STT3A: variants seen among roughly 807,000 people sequenced by gnomAD.
STT3A encodes dolichyl-diphosphooligosaccharide--protein glycosyltransferase subunit STT3A.
Under a neutral mutation model 89.2 loss-of-function variants are expected in STT3A, and 34 were observed. That is an observed-to-expected ratio of 0.38 (90% CI 0.29 to 0.51). The LOEUF (loss-of-function observed/expected upper bound fraction) is 0.51, where lower values mean the gene tolerates loss of function less well. Among genes scored for constraint, STT3A ranks in the 20% least tolerant of loss-of-function variants. The probability of loss-of-function intolerance (pLI) is 0.89; values close to 1 mark genes in which losing one functional copy is unlikely to be tolerated. For missense variants in STT3A, 555 were observed against 889.5 expected, an observed-to-expected ratio of 0.62 and a Z score of 4.78; for synonymous variants, 282 against 310.3, an observed-to-expected ratio of 0.91 and a Z score of 0.96.
At chr11:125,620,337 T>C (rs1413455271) in intron 17 of STT3A, among the ~76,000 whole-genome samples, 1 of 152,206 alleles carries the variant, frequency 6.6e-6, no homozygotes, top group Non-Finnish European at 1.5e-5. Flanking sequence ...TTGGCGGTTG[T>C]TGCAGTGATA....
At chr11:125,615,163 AG>A (rs776484351) in intron 15 of STT3A, among the ~76,000 whole-genome samples, 6 of 152,162 alleles carry the variant, frequency 3.9e-5, no homozygotes, top group Non-Finnish European at 5.9e-5. Context: ...GCTACTCAGG[AG>A]GCTGAGGCAG....
At position 125,606,282 on chromosome 11, in the gene STT3A, T is replaced by A; in HGVS notation, c.616-19T>A. 1 of 1,609,474 alleles carries A rather than the reference T, an allele frequency of 6.2e-7. No homozygotes were observed. ...AGGAGGCATACTCAGAGGAACTGTT[T>A]TTTTCTATTCCATCATAGGTCTCGT... is the stretch of plus-strand genomic sequence containing the variant. On this transcript the variant is annotated intron_variant, in intron 7 of 17. Coordinates refer to ENST00000392708, the MANE Select transcript of STT3A (RefSeq NM_152713.5).
chr11:125,601,344 G>A (rs889362243), intron 3 of STT3A, among the ~76,000 whole-genome samples: 1 of 152,198 alleles, frequency 6.6e-6, no homozygotes, highest in Non-Finnish European at 1.5e-5. Flanking sequence ...AATCTGGCCA[G>A]GCATGGTGGC....
chr11:125,605,721 G>T lies in STT3A; in HGVS notation c.601G>T (p.Ala201Ser). Residue 201 changes from alanine (A) to serine (S), a missense_variant, in exon 7 of 18, where the codon GCT becomes TCT. By Grantham distance (99) the Ala-to-Ser change is moderately conservative. This residue lies in a region of STT3A where 149 missense variants were observed against 206.2 expected (regional missense o/e 0.72). Transcript: ENST00000392708. Reference protein sequence around the residue: ...SICWAAKCALAYFYMVSSWGG... With the variant: ...SICWAAKCALSYFYMVSSWGG... The stretch of plus-strand genomic sequence containing the variant: ...CTGTTGGGCAGCTAAGTGTGCCCTT[G>T]CTTATTTCTACATGGTAACTTTTTC... The T allele has an allele frequency of 6.2e-7, 1 of 1,613,170 alleles. No individual in the cohort carries two copies. Among genetic ancestry groups the T allele is most frequent in the Non-Finnish European group, 8.5e-7 (1 of 1,179,454 alleles).
rs1272390894 is a variant in STT3A at position 125,622,545 on chromosome 11, A to G, written c.*1735A>G. On this transcript the variant is annotated 3_prime_UTR_variant, in exon 18 of 18. Coordinates refer to ENST00000392708, the MANE Select transcript of STT3A (RefSeq NM_152713.5). ...GGCTACATGAAGCTATCTTTTTAAA[A>G]AGTGTACTCTTCATTTTCACTGTTA... The G allele has an allele frequency of 3.3e-5, 5 of 152,198 alleles. No individual in the cohort carries two copies. The highest frequency in any genetic ancestry group is 5.9e-5 in the Non-Finnish European group (4 of 68,040). 9.4% of individuals were successfully genotyped at this position (152,198 alleles called of 1,614,324 possible). A position where few individuals can be genotyped will look rare whatever the true frequency, so the allele number is the denominator to read the frequency against.
At chr11:125,610,541 G>A (rs11220151) in intron 10 of STT3A, among the ~76,000 whole-genome samples, 42,468 of 149,258 alleles carry the variant, frequency 0.28, 6,089 homozygotes, top group East Asian at 0.4. Context: ...CAACACAGTG[G>A]GACCCACGTC....
chr11:125,607,852 T>G (rs1211430667), intron 8 of STT3A, among the ~76,000 whole-genome samples: 1 of 152,190 alleles, frequency 6.6e-6, no homozygotes, highest in East Asian at 1.9e-4. Context: ...AAAATTACAG[T>G]CTAGGCTAAG....
At chr11:125,610,441 G>A (rs997387224) in intron 10 of STT3A, among the ~76,000 whole-genome samples, 3 of 152,114 alleles carry the variant, frequency 2.0e-5, no homozygotes, top group Admixed American at 1.3e-4. Flanking sequence ...AAAAGATGCT[G>A]GGCACAATGG....
At position 125,614,196 on chromosome 11, in the gene STT3A, T is replaced by C. The variant is rs1292167573; in HGVS notation, c.1664T>C (p.Val555Ala). The stretch of plus-strand genomic sequence containing the variant: ...TGGAATAATACCCATATTTCTCGAG[T>C]AGGGCAGGTAAGATAAAGGGATGAT... ...NTWNNTHISR[V>A]GQAMASTEEK... Residue 555 changes from valine (V) to alanine (A), a missense_variant, in exon 14 of 18, where the codon GTA (valine) becomes GCA (alanine). Physicochemically the swap from Val to Ala is moderately conservative, Grantham distance 64. Transcript: ENST00000392708. The surrounding 1 kb of genome is among the most constrained non-coding windows in gnomAD (Gnocchi z 4.9). The C allele has an allele frequency of 6.2e-7, 1 of 1,613,638 alleles. No homozygotes were observed. Among genetic ancestry groups the C allele is most frequent in the Admixed American group, 1.7e-5 (1 of 60,010 alleles).
intron 15 of STT3A, among the ~76,000 whole-genome samples, chr11:125,615,818 C>T (rs565540358): frequency 6.6e-6 from 1 of 152,268 alleles, no homozygotes; most frequent in South Asian, 2.1e-4. Context: ...TGGGAAGACT[C>T]TTGAGGTCAG....
intron 4 of STT3A, 64 bp from the exon 5 acceptor site, chr11:125,602,739 T>C: frequency 6.3e-7 from 1 of 1,598,854 alleles, no homozygotes; most frequent in Non-Finnish European, 8.6e-7. Flanking sequence ...TCTGGGATTT[T>C]CCCTTTCTTT....
intron 1 of STT3A, chr11:125,593,516 C>T (rs1939383333): frequency 1.3e-5 from 2 of 152,146 alleles, no homozygotes; most frequent in South Asian, 2.1e-4. Flanking sequence ...TGAAATCTCC[C>T]TTACGGCCCT....
intron 3 of STT3A, among the ~76,000 whole-genome samples, chr11:125,598,182 T>A (rs11220147): frequency 0.11 from 16,258 of 151,716 alleles, 1,254 homozygotes; most frequent in African/African-American, 0.22. Flanking sequence ...ACTGCACTCC[T>A]GCCTGGGCTA....
chr11:125,616,573 G>T (rs936067115), intron 15 of STT3A, among the ~76,000 whole-genome samples: 2 of 152,164 alleles, frequency 1.3e-5, no homozygotes, highest in Non-Finnish European at 2.9e-5. Context: ...TAACATTTGA[G>T]AGGCATAATA....
chr11:125,613,953 A>G lies in STT3A; in HGVS notation c.1555-134A>G, dbSNP rs1940096060. ...GCCAGGATTTATTTTCTGGTTTGACATGCATTACTTTGTGAAGAAATTGAT... is the reference window on the plus strand; with the variant it reads ...GCCAGGATTTATTTTCTGGTTTGACGTGCATTACTTTGTGAAGAAATTGAT... On this transcript the variant is annotated intron_variant, in intron 13 of 17. Transcript: ENST00000392708. The surrounding 1 kb of genome is among the most constrained non-coding windows in gnomAD (Gnocchi z 4.2). The G allele has an allele frequency of 1.4e-6, 1 of 719,074 alleles. No individual in the cohort carries two copies. The highest frequency in any genetic ancestry group is 2.4e-6 in the Non-Finnish European group (1 of 410,716). 44.5% of individuals were successfully genotyped at this position (719,074 alleles called of 1,614,324 possible).
At chr11:125,594,188 A>AT (rs1296510055) in intron 1 of STT3A, among the ~76,000 whole-genome samples, 5 of 152,238 alleles carry the variant, frequency 3.3e-5, no homozygotes. Flanking sequence ...AATATGTACA[A>AT]TTATGTGTCA....
At position 125,621,654 on chromosome 11, in the gene STT3A, GCTT is replaced by G. The variant is rs1940352196; in HGVS notation, c.*848_*850del. The G allele has an allele frequency of 6.6e-6, 1 of 152,172 alleles. No individual in the cohort carries two copies. Among genetic ancestry groups the G allele is most frequent in the Non-Finnish European group, 1.5e-5 (1 of 68,048 alleles). The allele number at this position is 152,172 out of a possible 1,614,324, so 9.4% of individuals were successfully genotyped here. ...AACTCTTGTGGTTGTTCAAAGGTGA[GCTT>G]CTTTTTCCCTTAGTCTTAGCCTATG... On this transcript the variant is annotated 3_prime_UTR_variant, in exon 18 of 18. Transcript: ENST00000392708.
chr11:125,611,453 C>T lies in STT3A; in HGVS notation c.1143C>T (p.Asn381=). 3 of 1,614,010 alleles carry T rather than the reference C, an allele frequency of 1.9e-6. No homozygotes were observed. The highest frequency in any genetic ancestry group is 2.5e-6 in the Non-Finnish European group (3 of 1,179,934). ...TTGGCCTCTATTACTGCTTTAGCAA[C>T]CTGTCTGATGCCCGGATTTTTATCA... ...FPVGLYYCFS[N]LSDARIFIIM... The change falls in exon 11 of 18, where the codon AAC becomes AAT. Residue 381 remains asparagine, a synonymous_variant. Coordinates refer to ENST00000392708, the MANE Select transcript of STT3A (RefSeq NM_152713.5).
intron 8 of STT3A, among the ~76,000 whole-genome samples, chr11:125,607,391 T>C (rs1015417336): frequency 6.6e-6 from 1 of 152,200 alleles, no homozygotes; most frequent in African/African-American, 2.4e-5. Context: ...GCTAATCACT[T>C]GAAAATGTAA....
Sources: allele counts gnomAD v4.1 joint callset (sites outside exome capture counted in the v4.1 genomes callset), GRCh38; gene constraint gnomAD v4.1.1; regional missense constraint gnomAD v4.1.1; non-coding constraint Gnocchi (gnomAD v3.1); transcripts MANE v1.5; gene names NCBI Gene and HGNC (gene_info 2026-07-23, HGNC 2026-07-21).